The following NME9 variants were observed in gnomAD, a reference collection of about 807,000 sequenced individuals.
NME9 encodes the protein thioredoxin domain-containing protein 6.
Under a neutral mutation model 44.4 loss-of-function variants are expected in NME9, and 48 were observed. The observed-to-expected ratio is 1.08, with a 90% confidence interval of 0.86 to 1.37. The LOEUF is 1.37. Ranked by LOEUF, NME9 falls within the 40% of genes most tolerant of loss-of-function variation. NME9 has a pLI of 0.00. For synonymous variants in NME9, 139 were observed against 147.1 expected, an observed-to-expected ratio of 0.94 and a Z score of 0.40; for missense variants, 325 against 405.2, an observed-to-expected ratio of 0.80 and a Z score of 1.70.
intron 8 of NME9, 82 bp from the exon 9 acceptor site, chr3:138,305,109 G>A (rs1006771016): frequency 7.8e-5 from 101 of 1,293,592 alleles, no homozygotes; most frequent in Non-Finnish European, 1.0e-4. Context: ...CTCACCCACG[G>A]AATGGGAGGG....
intron 8 of NME9, among the ~76,000 whole-genome samples, chr3:138,287,202 C>T (rs1285183194): frequency 6.6e-6 from 1 of 152,230 alleles, no homozygotes; most frequent in African/African-American, 2.4e-5. Context: ...TTCCTCTCAA[C>T]ACAGAATGAA....
At chr3:138,287,937 C>T (rs935978404) in intron 8 of NME9, 2 of 214,306 alleles carry the variant, frequency 9.3e-6, no homozygotes, top group Non-Finnish European at 1.9e-5. Flanking sequence ...CAGGCGAAAA[C>T]ACCCTATCCA....
At chr3:138,288,984 C>T in intron 8 of NME9, 2 of 1,353,102 alleles carry the variant, frequency 1.5e-6, no homozygotes, top group East Asian at 5.0e-5. Flanking sequence ...TAGGTCCCCC[C>T]AAAAAAAAAT....
chr3:138,328,970 G>A lies in NME9; in HGVS notation c.33+333C>T, dbSNP rs77765402. Among the ~76,000 whole-genome samples the A allele has an allele frequency of 8.5e-5, 13 of 152,172 alleles. No homozygotes were observed. In the East Asian group the frequency reaches 2.3e-3, roughly 27 times the overall value. ...TGTATTTCAACAAGAACAAAATAAC[G>A]GTCACATCGAGTTATGTTGATTCGT... is the stretch of plus-strand genomic sequence containing the variant. On this transcript the variant is annotated intron_variant, in intron 1 of 10. Coordinates refer to ENST00000333911, the MANE Select transcript of NME9 (RefSeq NM_001349018.2).
rs190935692 is a variant in NME9, at chr3:138,270,142, A to G, written c.746-7556T>C. Reference sequence around the variant, plus strand: ...AATTTGGGCTTTAATGGTACGTTTCACTTTTATATATATCATAACTTACAA... The same window carrying G: ...AATTTGGGCTTTAATGGTACGTTTCGCTTTTATATATATCATAACTTACAA... On this transcript the variant is annotated intron_variant, in intron 8 of 8. Transcript: ENST00000317876. 1,446 of 1,554,384 alleles carry G rather than the reference A, an allele frequency of 9.3e-4. 16 individuals are homozygous for G. The Middle Eastern group carries it at 9.5e-3, about 10-fold the overall frequency.
chr3:138,302,589 C>T (rs113838541), intron 10 of NME9, among the ~76,000 whole-genome samples: 2,434 of 152,316 alleles, frequency 0.016, 34 homozygotes, highest in Middle Eastern at 0.044. Context: ...GCTCCCCAGC[C>T]TCTGTGGCAC....
rs367691989 is a variant in NME9, at chr3:138,284,574, T to A, written c.745+18933A>T. 1.5e-5 allele frequency: 20 copies of A among 1,358,510 alleles called. No individual in the cohort carries two copies. The African/African-American group carries it at 2.9e-4, about 20-fold the overall frequency. 84.2% of individuals were successfully genotyped at this position (1,358,510 alleles called of 1,614,324 possible). A position where few individuals can be genotyped will look rare whatever the true frequency, so the allele number is the denominator to read the frequency against. On this transcript the variant is annotated intron_variant, in intron 8 of 8. Coordinates refer to the NME9 transcript ENST00000317876. The stretch of plus-strand genomic sequence containing the variant: ...CGTAGGATTAGAATGCAGGGACTGT[T>A]GCATTTTTAACTCAAAATAAATTGT...
intron 10 of NME9, chr3:138,303,159 G>T (rs986906593): frequency 9.2e-6 from 2 of 217,474 alleles, no homozygotes; most frequent in Non-Finnish European, 9.5e-6. Flanking sequence ...AGCAGGTCTG[G>T]CCTCTGACTG....
chr3:138,326,815 G>A (rs2053816072), intron 1 of NME9, among the ~76,000 whole-genome samples: 1 of 151,868 alleles, frequency 6.6e-6, no homozygotes, highest in Admixed American at 6.6e-5. Context: ...ATAAGGGCAA[G>A]AAACATGTAA....
chr3:138,295,099 G>T (rs532114300), intron 8 of NME9, among the ~76,000 whole-genome samples: 10 of 152,058 alleles, frequency 6.6e-5, no homozygotes, highest in Admixed American at 2.0e-4. Context: ...GGGTTTCACC[G>T]TGTTGGCCAG....
downstream of NME9, among the ~76,000 whole-genome samples, chr3:138,299,773 G>A (rs971689491): frequency 6.6e-6 from 1 of 152,130 alleles, no homozygotes; most frequent in African/African-American, 2.4e-5. Context: ...ACTCCCCGCC[G>A]ACAGGCTCAG....
chr3:138,314,400 T>A lies in NME9; in HGVS notation c.392A>T (p.Asp131Val), dbSNP rs542260881. ...AEGRERKVIK[D>V]EALSDEDECV... ...TTCATCTTCATCAGAAAGAGCCTCA[T>A]CTTTAATCTAGTACAAATTGGTCAT... The change falls in exon 6 of 11, where the codon GAT (aspartate) becomes GTT (valine). Residue 131 changes from aspartate (D) to valine (V), a missense_variant. Asp to Val is a radical substitution (Grantham distance 152). Coordinates refer to ENST00000333911, the MANE Select transcript of NME9 (RefSeq NM_001349018.2). 6.2e-7 allele frequency: 1 copy of A among 1,602,132 alleles called. No homozygotes were observed. The highest frequency in any genetic ancestry group is 1.3e-5 in the African/African-American group (1 of 74,744).
chr3:138,294,571 A>G (rs2051289739), intron 8 of NME9, among the ~76,000 whole-genome samples: 2 of 152,214 alleles, frequency 1.3e-5, no homozygotes, highest in Admixed American at 1.3e-4. Flanking sequence ...ACCACTTAAA[A>G]AACTGTTGTG....
At chr3:138,265,947 G>A (rs768720031) in intron 8 of NME9, among the ~76,000 whole-genome samples, 2 of 152,164 alleles carry the variant, frequency 1.3e-5, no homozygotes, top group African/African-American at 4.8e-5. Flanking sequence ...TCAGTGGAAG[G>A]AATGATAGAT....
intron 3 of NME9, among the ~76,000 whole-genome samples, chr3:138,319,156 C>T (rs2053297952): frequency 6.6e-6 from 1 of 152,140 alleles, no homozygotes; most frequent in Non-Finnish European, 1.5e-5. Context: ...GCCGTGATAC[C>T]ACCACTGCAC....
intron 8 of NME9, chr3:138,288,889 G>C: frequency 1.7e-6 from 1 of 573,512 alleles, no homozygotes; most frequent in Non-Finnish European, 3.1e-6. Flanking sequence ...CACCTGCCTT[G>C]GTCTCCCAAA....
intron 2 of NME9, chr3:138,324,651 T>G (rs2053662653): frequency 1.6e-6 from 1 of 642,924 alleles, no homozygotes; most frequent in East Asian, 3.1e-5. Context: ...CCCTAAGTAC[T>G]GACTCATTTC....
chr3:138,309,407 G>A (rs2052531802), intron 6 of NME9, among the ~76,000 whole-genome samples: 1 of 152,206 alleles, frequency 6.6e-6, no homozygotes, highest in Admixed American at 6.5e-5. Flanking sequence ...ACTGTTGGCT[G>A]GGCACAGTGG....
intron 8 of NME9, among the ~76,000 whole-genome samples, chr3:138,276,176 G>T (rs1173788633): frequency 6.6e-6 from 1 of 152,152 alleles, no homozygotes; most frequent in Non-Finnish European, 1.5e-5. Context: ...GAAGTGATCT[G>T]GAAATAGGCG....
Sources: gnomAD v4.1 joint callset for allele counts (sites outside exome capture counted in the v4.1 genomes callset) on GRCh38, gnomAD v4.1.1 for gene constraint, MANE v1.5 for transcripts, NCBI Gene and HGNC (gene_info 2026-07-23, HGNC 2026-07-21) for gene names.